PDSS2: variants seen among roughly 807,000 people sequenced by gnomAD.
PDSS2 encodes all trans-polyprenyl-diphosphate synthase PDSS2.
Under a neutral mutation model 44.5 loss-of-function variants are expected in PDSS2, and 31 were observed. The observed-to-expected ratio is 0.70, with a 90% confidence interval of 0.52 to 0.94. The LOEUF (loss-of-function observed/expected upper bound fraction) is 0.94, where lower values mean the gene tolerates loss of function less well. Among genes scored for constraint, PDSS2 ranks in the 40% least tolerant of loss-of-function variants. The pLI, the probability that PDSS2 is intolerant of heterozygous loss-of-function variation, is 0.00. For missense variants in PDSS2, 452 were observed against 482.2 expected, an observed-to-expected ratio of 0.94 and a Z score of 0.59; for synonymous variants, 157 against 180.3, an observed-to-expected ratio of 0.87 and a Z score of 1.03.
In PDSS2 at chr6:107,262,819, C is replaced by T. The variant is rs115120049; in HGVS notation, c.630+11210G>A. ...AAACTTGGCTGGGCACAGTGGCTTA[C>T]GCCTGTCATCTCAACACTTGGGGAG... On this transcript the variant is annotated intron_variant, in intron 3 of 7. Coordinates refer to ENST00000369037, the MANE Select transcript of PDSS2 (RefSeq NM_020381.4). 6.6e-4 allele frequency among the ~76,000 whole-genome samples: 100 copies of T among 151,882 alleles called. 1 individual carries two copies. Among genetic ancestry groups the T allele is most frequent in the African/African-American group, 2.4e-3 (98 of 41,476 alleles).
At chr6:107,241,667 G>A (rs1435716569) in intron 4 of PDSS2, among the ~76,000 whole-genome samples, 1 of 152,140 alleles carries the variant, frequency 6.6e-6, no homozygotes, top group African/African-American at 2.4e-5. Flanking sequence ...TTCTTTTGGA[G>A]AAGGTGACTT....
At position 107,174,304 on chromosome 6, in the gene PDSS2, G is replaced by A. The variant is rs149331979; in HGVS notation, c.1041+19518C>T. 3.4e-4 allele frequency among the ~76,000 whole-genome samples: 52 copies of A among 152,286 alleles called. 2 individuals are homozygous for A. The highest frequency in any genetic ancestry group is 1.1e-3 in the African/African-American group (44 of 41,562). On this transcript the variant is annotated intron_variant, in intron 7 of 7. Coordinates refer to ENST00000369037, the MANE Select transcript of PDSS2 (RefSeq NM_020381.4). Reference sequence around the variant, plus strand: ...AGGGGACAGAACAAACAGCAACAAGGTAAAGTTTCTCGGAAGAAGATTCCA... The same window carrying A: ...AGGGGACAGAACAAACAGCAACAAGATAAAGTTTCTCGGAAGAAGATTCCA...
At chr6:107,395,017 G>C (rs1168348889) in intron 1 of PDSS2, among the ~76,000 whole-genome samples, 1 of 151,748 alleles carries the variant, frequency 6.6e-6, no homozygotes, top group Non-Finnish European at 1.5e-5. Context: ...GCTTTGATTT[G>C]TCAAAAAAGT....
chr6:107,209,189 T>A (rs552950581), intron 6 of PDSS2, among the ~76,000 whole-genome samples: 1 of 152,292 alleles, frequency 6.6e-6, no homozygotes, highest in East Asian at 1.9e-4. Context: ...GTTCCCTTTT[T>A]ATCAGTTTGT....
chr6:107,283,595 C>G (rs765810941), intron 2 of PDSS2, among the ~76,000 whole-genome samples: 5 of 151,140 alleles, frequency 3.3e-5, no homozygotes, highest in African/African-American at 4.9e-5. Context: ...TGTTGCACAT[C>G]TGTGATTCCA....
At chr6:107,404,250 G>C (rs990365500) in intron 1 of PDSS2, among the ~76,000 whole-genome samples, 2 of 152,144 alleles carry the variant, frequency 1.3e-5, no homozygotes, top group Non-Finnish European at 2.9e-5. Context: ...ACTGTCCATA[G>C]CACTATCAGC....
chr6:107,158,895 A>AT (rs1309059581), intron 7 of PDSS2, among the ~76,000 whole-genome samples: 3 of 151,732 alleles, frequency 2.0e-5, no homozygotes, highest in African/African-American at 7.3e-5. Flanking sequence ...CACCCAGTCA[A>AT]TTTTTATATT....
At chr6:107,210,257 C>A (rs1353885674) in intron 6 of PDSS2, among the ~76,000 whole-genome samples, 182 bp downstream of exon 6, 1 of 152,176 alleles carries the variant, frequency 6.6e-6, no homozygotes, top group African/African-American at 2.4e-5. Context: ...TTCAGTACTG[C>A]AATCTCTAAC....
intron 2 of PDSS2, among the ~76,000 whole-genome samples, chr6:107,294,979 G>C (rs902645567): frequency 9.9e-5 from 15 of 152,106 alleles, no homozygotes; most frequent in African/African-American, 3.6e-4. Flanking sequence ...ACCCAGGCTG[G>C]AGTGAAGTGG....
intron 6 of PDSS2, among the ~76,000 whole-genome samples, chr6:107,207,658 A>G (rs1582785457): frequency 8.0e-6 from 1 of 125,424 alleles, no homozygotes; most frequent in Non-Finnish European, 1.6e-5. Flanking sequence ...GCTGGCCAGG[A>G]TGGAGTGCAG....
At chr6:107,359,176 G>A (rs1156439539) in intron 1 of PDSS2, among the ~76,000 whole-genome samples, 2 of 151,308 alleles carry the variant, frequency 1.3e-5, no homozygotes, top group Non-Finnish European at 2.9e-5. Context: ...ACGCCCAGCT[G>A]ATTTTTTGTA....
intron 2 of PDSS2, among the ~76,000 whole-genome samples, chr6:107,321,894 C>G (rs958475135): frequency 8.5e-5 from 13 of 152,280 alleles, no homozygotes; most frequent in African/African-American, 3.1e-4. Context: ...CTAAAACCTA[C>G]TGTCTTTTCT....
At chr6:107,387,718 C>T (rs1779653123) in intron 1 of PDSS2, among the ~76,000 whole-genome samples, 1 of 152,184 alleles carries the variant, frequency 6.6e-6, no homozygotes, top group Non-Finnish European at 1.5e-5. Flanking sequence ...CTTTCCAGCC[C>T]TACTGACCAT....
intron 7 of PDSS2, among the ~76,000 whole-genome samples, chr6:107,188,505 C>T (rs576695480): frequency 2.0e-5 from 3 of 152,308 alleles, no homozygotes; most frequent in Admixed American, 6.5e-5. Context: ...AACAGCACTA[C>T]TCTAAACTGC....
At chr6:107,434,040 C>A (rs1033446631) in intron 1 of PDSS2, among the ~76,000 whole-genome samples, 6 of 152,104 alleles carry the variant, frequency 3.9e-5, no homozygotes, top group African/African-American at 1.2e-4. Flanking sequence ...AAATGCAAAT[C>A]AAAACTACAA....
chr6:107,400,190 C>A (rs1397954452), intron 1 of PDSS2, among the ~76,000 whole-genome samples: 1 of 152,038 alleles, frequency 6.6e-6, no homozygotes, highest in Non-Finnish European at 1.5e-5. Flanking sequence ...TGAGAAGGAG[C>A]AGCAGAGGGA....
At chr6:107,202,898 A>C (rs2114581606) in intron 6 of PDSS2, among the ~76,000 whole-genome samples, 1 of 151,946 alleles carries the variant, frequency 6.6e-6, no homozygotes, top group East Asian at 1.9e-4. Context: ...TACTAGAGTA[A>C]GGCGAGGAGA....
chr6:107,198,794 A>AAAC (rs1378965607), intron 6 of PDSS2, among the ~76,000 whole-genome samples: 1 of 101,330 alleles, frequency 9.9e-6, no homozygotes, highest in Non-Finnish European at 2.0e-5. Flanking sequence ...CTGTCTCTAC[A>AAAC]AACAATAACA....
intron 4 of PDSS2, among the ~76,000 whole-genome samples, chr6:107,216,459 C>A (rs1353082673): frequency 2.6e-5 from 4 of 151,928 alleles, no homozygotes; most frequent in Non-Finnish European, 5.9e-5. Flanking sequence ...GACAACAGAG[C>A]CAGACTCCAT....
Sources: gnomAD v4.1 joint callset for allele counts (sites outside exome capture counted in the v4.1 genomes callset) on GRCh38, gnomAD v4.1.1 for gene constraint, MANE v1.5 for transcripts, NCBI Gene and HGNC (gene_info 2026-07-23, HGNC 2026-07-21) for gene names.